The following TRIM63 variants were observed in gnomAD, a reference collection of about 807,000 sequenced individuals.
TRIM63 encodes E3 ubiquitin-protein ligase TRIM63.
A neutral mutation model predicts 46.0 loss-of-function variants in TRIM63; 48 were observed. The observed-to-expected ratio is 1.04, with a 90% CI of 0.83 to 1.33. The LOEUF is 1.33. TRIM63 is among the 40% of genes most tolerant of loss of function. The pLI is 0.00. For missense variants in TRIM63, 455 were observed against 441.2 expected (o/e 1.03, Z -0.28); for synonymous variants, 175 against 162.8 (o/e 1.08, Z -0.57).
intron 2 of TRIM63, among the ~76,000 whole-genome samples, chr1:26,064,021 C>T (rs1400058277): frequency 2.6e-5 from 4 of 152,232 alleles, no homozygotes; most frequent in South Asian, 2.1e-4. Context: ...GCCGGCCAGG[C>T]GCGGTGGCCC....
intron 2 of TRIM63, among the ~76,000 whole-genome samples, chr1:26,064,901 G>A (rs142771144): frequency 5.9e-5 from 9 of 152,316 alleles, no homozygotes; most frequent in African/African-American, 1.9e-4. Flanking sequence ...CCTTGGTGAA[G>A]GCTTTGGACC....
chr1:26,060,161 T>C, intron 4 of TRIM63, 105 bp downstream of exon 4: 1 of 900,620 alleles, frequency 1.1e-6, no homozygotes, highest in Non-Finnish European at 1.8e-6. Context: ...CGCCCCAGGC[T>C]CCGGGCCCCA....
In TRIM63 at chr1:26,057,664, G is replaced by A; in HGVS notation, c.832-14C>T. 6.2e-7 allele frequency: 1 copy of A among 1,606,502 alleles called. No homozygotes were observed. Reference sequence around the variant, plus strand: ...TTGCTTGGCAGTCTGCAGGGGGAGAGAGAACAAAGGATTAGGACCGCAGAA... The same window carrying A: ...TTGCTTGGCAGTCTGCAGGGGGAGAAAGAACAAAGGATTAGGACCGCAGAA... On this transcript the variant is annotated splice_polypyrimidine_tract_variant and intron_variant, in intron 5 of 8. Coordinates refer to ENST00000374272, the MANE Select transcript of TRIM63 (RefSeq NM_032588.4).
Position 26,061,257 on chromosome 1 carries a change from C to T in TRIM63, c.410G>A (p.Cys137Tyr), listed in dbSNP as rs558525306. 2.5e-6 allele frequency: 4 copies of T among 1,614,204 alleles called. No individual in the cohort carries two copies. The highest frequency in any genetic ancestry group is 1.3e-5 in the African/African-American group (1 of 75,062). ...DEKINIYCLTCEVPTCSMCKV... is the reference protein window; with the variant it reads ...DEKINIYCLTYEVPTCSMCKV... ...GCACATGGAGCAGGTGGGCACCTCA[C>T]ACGTGAGACAGTAGATGTTGATTTT... Residue 137 changes from cysteine to tyrosine, a missense_variant, in exon 3 of 9, where the codon TGT becomes TAT. Transcript: ENST00000374272.
At chr1:26,065,573 T>C (rs2124443719) in intron 2 of TRIM63, among the ~76,000 whole-genome samples, 1 of 152,234 alleles carries the variant, frequency 6.6e-6, no homozygotes, top group East Asian at 1.9e-4. Context: ...TCCCAGAGTG[T>C]TGGGATTATG....
intron 7 of TRIM63, 78 bp downstream of exon 7, chr1:26,057,125 A>G: frequency 6.4e-7 from 1 of 1,570,786 alleles, no homozygotes; most frequent in South Asian, 1.1e-5. Flanking sequence ...CTGCCTCCCC[A>G]TCGGGCTCAG....
At chr1:26,059,090 T>A (rs2050599672) in intron 4 of TRIM63, among the ~76,000 whole-genome samples, 1 of 147,178 alleles carries the variant, frequency 6.8e-6, no homozygotes, top group African/African-American at 2.5e-5. Context: ...AGTGGTGCGA[T>A]CTTGGCTCAC....
chr1:26,061,713 C>T (rs2050627681), intron 2 of TRIM63, among the ~76,000 whole-genome samples: 2 of 152,176 alleles, frequency 1.3e-5, no homozygotes, highest in South Asian at 4.1e-4. Flanking sequence ...AGTGAATTGA[C>T]TCGTCCAAGG....
chr1:26,059,114 TC>T (rs2050599864), intron 4 of TRIM63, among the ~76,000 whole-genome samples: 1 of 138,250 alleles, frequency 7.2e-6, no homozygotes, highest in African/African-American at 2.7e-5. Flanking sequence ...AACCTCCACC[TC>T]CCAGGTTCAA....
chr1:26,058,338 T>G (rs2050590557), intron 5 of TRIM63, 52 bp downstream of exon 5: 1 of 1,514,222 alleles, frequency 6.6e-7, no homozygotes, highest in Non-Finnish European at 9.1e-7. Context: ...ACTTGAACCT[T>G]AGAGCTGTAG....
intron 8 of TRIM63, among the ~76,000 whole-genome samples, chr1:26,053,645 T>G (rs1280606468): frequency 6.6e-6 from 1 of 152,252 alleles, no homozygotes; most frequent in Non-Finnish European, 1.5e-5. Flanking sequence ...TGTGCCATAT[T>G]GCTTTCCATT....
chr1:26,064,257 C>T (rs985357414), intron 2 of TRIM63, among the ~76,000 whole-genome samples: 1 of 152,100 alleles, frequency 6.6e-6, no homozygotes, highest in African/African-American at 2.4e-5. Flanking sequence ...ATGGTGAAAC[C>T]CTGTCTCTAC....
chr1:26,064,304 A>T (rs1439813164), intron 2 of TRIM63, among the ~76,000 whole-genome samples: 1 of 152,038 alleles, frequency 6.6e-6, no homozygotes, highest in Admixed American at 6.6e-5. Flanking sequence ...GTTGGCACGC[A>T]TCTGTAGTCC....
rs71004562 is a variant in TRIM63, at chr1:26,063,056, C to CTTTGTTTGTTTG, written c.333-1734_333-1723dup. 2.3e-3 allele frequency among the ~76,000 whole-genome samples: 343 copies of CTTTGTTTGTTTG among 149,550 alleles called. 1 individual carries two copies. The highest frequency in any genetic ancestry group is 7.4e-3 in the South Asian group (35 of 4,722). On this transcript the variant is annotated intron_variant, in intron 2 of 8. Transcript: ENST00000374272. ...ACAGGCGTGATCCACAGCACCCAGC[C>CTTTGTTTGTTTG]TTTGTTTGTTTGTTTGTTTGTTTGT...
intron 7 of TRIM63, among the ~76,000 whole-genome samples, chr1:26,055,939 T>C (rs1055579281): frequency 6.6e-6 from 1 of 152,208 alleles, no homozygotes; most frequent in African/African-American, 2.4e-5. Flanking sequence ...GAATGGGGTA[T>C]ATCTGGGGCT....
In TRIM63 at chr1:26,067,527, GCCT is replaced by G. The variant is rs1424559160; in HGVS notation, c.-36_-34del. The G allele has an allele frequency of 1.9e-6, 3 of 1,610,272 alleles. No individual in the cohort carries two copies. Among genetic ancestry groups the G allele is most frequent in the Admixed American group, 1.7e-5 (1 of 59,906 alleles). ...GAAGGAATGAGAGCCACGCCTAGCT[GCCT>G]CCTCTACTAACTTTGCTCTAAGTAG... On this transcript the variant is annotated 5_prime_UTR_variant, in exon 1 of 9. Coordinates refer to ENST00000374272, the MANE Select transcript of TRIM63 (RefSeq NM_032588.4).
At chr1:26,065,316 A>G (rs971762132) in intron 2 of TRIM63, among the ~76,000 whole-genome samples, 1 of 144,868 alleles carries the variant, frequency 6.9e-6, no homozygotes, top group African/African-American at 2.6e-5. Flanking sequence ...GGGCCACCGC[A>G]CCCGGCCTCT....
intron 5 of TRIM63, 34 bp from the exon 6 acceptor site, chr1:26,057,684 G>A (rs111244604): frequency 4.2e-5 from 66 of 1,586,978 alleles, no homozygotes; most frequent in African/African-American, 3.0e-4. Context: ...GATTAGGACC[G>A]CAGAAGAGGT....
intron 6 of TRIM63, 107 bp from the exon 7 acceptor site, chr1:26,057,434 C>G: frequency 2.0e-6 from 3 of 1,479,804 alleles, no homozygotes; most frequent in Non-Finnish European, 2.7e-6. Context: ...AGAGGCTCCC[C>G]TGGAGGGATG....
Sources: gnomAD v4.1 joint callset for allele counts (sites outside exome capture counted in the v4.1 genomes callset) on GRCh38, gnomAD v4.1.1 for gene constraint, MANE v1.5 for transcripts, NCBI Gene and HGNC (gene_info 2026-07-23, HGNC 2026-07-21) for gene names.